FCER2: variants seen among roughly 807,000 people sequenced by gnomAD.
FCER2 encodes low affinity immunoglobulin epsilon Fc receptor.
Under a neutral mutation model 49.7 loss-of-function variants are expected in FCER2, and 38 were observed. That is an observed-to-expected ratio of 0.76 (90% CI 0.59 to 1.00). The LOEUF (loss-of-function observed/expected upper bound fraction) is 1.00, where lower values mean the gene tolerates loss of function less well. Ranked by LOEUF, FCER2 falls within the 50% of genes least tolerant of loss-of-function variation. The pLI is 0.00. For missense variants in FCER2, 425 were observed against 419.5 expected, an observed-to-expected ratio of 1.01 and a Z score of -0.11; for synonymous variants, 163 against 164.6, an observed-to-expected ratio of 0.99 and a Z score of 0.07.
At chr19:7,698,277 T>G in intron 4 of FCER2, 79 bp downstream of exon 4, 1 of 1,038,922 alleles carries the variant, frequency 9.6e-7, no homozygotes, top group Non-Finnish European at 1.4e-6. Context: ...GAGGGGACAC[T>G]GAGGCCCAGA....
Position 7,689,422 on chromosome 19 carries a change from G to A in FCER2, c.737C>T (p.Ala246Val), listed in dbSNP as rs555446476. The change falls in exon 11 of 11, where the codon GCT becomes GTT. Residue 246 changes from alanine (A) to valine (V), a missense_variant. Coordinates refer to ENST00000597921, the MANE Select transcript of FCER2 (RefSeq NM_001220500.2). ...DGSHVDYSNWAPGEPTSRSQG... is the reference protein window; with the variant it reads ...DGSHVDYSNWVPGEPTSRSQG... ...GCTCCGGCTGGTGGGCTCCCCTGGA[G>A]CCCAGTTGCTGGAGCAAAAGGCTTT... is the stretch of plus-strand genomic sequence containing the variant. 1 of 1,584,858 alleles carries A rather than the reference G, an allele frequency of 6.3e-7. No individual in the cohort carries two copies. Among genetic ancestry groups the A allele is most frequent in the Non-Finnish European group, 8.6e-7 (1 of 1,164,648 alleles).
Position 7,698,839 on chromosome 19 carries a change from G to C in FCER2, c.38C>G (p.Pro13Arg). Residue 13 changes from proline (P) to arginine (R), a missense_variant, in exon 3 of 11, where the codon CCC becomes CGC. Physicochemically the swap from Pro to Arg is moderately radical, Grantham distance 103. Coordinates refer to ENST00000597921, the MANE Select transcript of FCER2 (RefSeq NM_001220500.2). ...CCCACGCCTGCAACACCGCCTCCTG[G>C]GAAGCTCCTCGATCTCTGCCGGGGG... ...EGQYSEIEEL[P>R]RRRCCRRGTQ... 6.2e-7 allele frequency: 1 copy of C among 1,603,942 alleles called. No individual in the cohort carries two copies. Among genetic ancestry groups the C allele is most frequent in the Non-Finnish European group, 8.5e-7 (1 of 1,176,502 alleles).
chr19:7,699,487 T>TTG, intron 2 of FCER2: 1 of 1,324,984 alleles, frequency 7.5e-7, no homozygotes, highest in Non-Finnish European at 9.7e-7. Context: ...GTTTTTTTTT[T>TTG]TTTTTCTTTT....
rs1175439588 is a variant in FCER2 at position 7,689,121 on chromosome 19, A to G, written c.*72T>C. The G allele has an allele frequency of 1.9e-6, 2 of 1,061,776 alleles. No homozygotes were observed. The highest frequency in any genetic ancestry group is 2.8e-6 in the Non-Finnish European group (2 of 704,824). The allele number at this position is 1,061,776 out of a possible 1,614,324, so 65.8% of individuals were successfully genotyped here. A position where few individuals can be genotyped will look rare whatever the true frequency, so the allele number is the denominator to read the frequency against. ...GCAGAAAATGTCACAGGGACCTTTC[A>G]GCCACAAAGAGGCTTTTAGGCCGTG... On this transcript the variant is annotated 3_prime_UTR_variant, in exon 11 of 11. Transcript: ENST00000597921.
At chr19:7,698,997 A>C in intron 2 of FCER2, 143 bp from the exon 3 acceptor site, 2 of 797,836 alleles carry the variant, frequency 2.5e-6, no homozygotes, top group Non-Finnish European at 4.0e-6. Context: ...GTGGACCCCC[A>C]GCTCCATTTG....
Position 7,699,004 on chromosome 19 carries a change from T to C in FCER2, c.23-150A>G. 4 of 766,026 alleles carry C rather than the reference T, an allele frequency of 5.2e-6. No individual in the cohort carries two copies. In the South Asian group the frequency reaches 6.7e-5, roughly 13 times the overall value. 47.5% of individuals were successfully genotyped at this position (766,026 alleles called of 1,614,324 possible). ...GGGTCTCAGTGGACCCCCAGCTCCATTTGCACAGCTTCCTTACCTGACTCA... is the reference window on the plus strand; with the variant it reads ...GGGTCTCAGTGGACCCCCAGCTCCACTTGCACAGCTTCCTTACCTGACTCA... On this transcript the variant is annotated intron_variant, in intron 2 of 10. Transcript: ENST00000597921.
At chr19:7,698,657 C>G (rs187888088) in intron 3 of FCER2, 84 bp downstream of exon 3, 7 of 1,545,076 alleles carry the variant, frequency 4.5e-6, no homozygotes, top group Non-Finnish European at 6.1e-6. Context: ...TTGGGCTCCC[C>G]CAGCTCTGAG....
In FCER2 at chr19:7,690,245, G is replaced by A; in HGVS notation, c.642C>T (p.Ala214=). ...PEEQDFLTKH[A]SHTGSWIGLR... is the part of the protein sequence containing the mutation. ...GGCCAATCCAGGAGCCGGTGTGGCT[G>A]GCATGCTTGGTCAGGAAGTCCTGGG... Residue 214 remains alanine (A), a synonymous_variant, in exon 10 of 11, where the codon GCC becomes GCT. Transcript: ENST00000597921. 1 of 1,613,926 alleles carries A rather than the reference G, an allele frequency of 6.2e-7. No homozygotes were observed. The highest frequency in any genetic ancestry group is 8.5e-7 in the Non-Finnish European group (1 of 1,179,834).
intron 5 of FCER2, 52 bp from the exon 6 acceptor site, chr19:7,697,350 C>T: frequency 6.3e-7 from 1 of 1,576,890 alleles, no homozygotes; most frequent in Non-Finnish European, 8.7e-7. Flanking sequence ...TTGTCTCCCC[C>T]ATCTACCCCC....
rs201003669 is a variant in FCER2 at position 7,689,235 on chromosome 19, A to C, written c.924T>G (p.Pro308=). Residue 308 remains proline, a synonymous_variant, in exon 11 of 11, where the codon CCT becomes CCG. Transcript: ENST00000597921. ...CAGAGGGGGTGGGCAGGCGGCCGTC[A>C]GGGTCTGGTCTTGAATCAGGTCCCA... ...ESMGPDSRPD[P]DGRLPTPSAP... 6 of 1,613,330 alleles carry C rather than the reference A, an allele frequency of 3.7e-6. No homozygotes were observed. The African/African-American group carries it at 8.0e-5, about 22-fold the overall frequency.
chr19:7,700,704 G>C (rs62111767), intron 1 of FCER2, among the ~76,000 whole-genome samples: 4 of 151,872 alleles, frequency 2.6e-5, no homozygotes, highest in Admixed American at 1.3e-4. Context: ...TAGTAGAGAC[G>C]GGTTTTCACT....
intron 10 of FCER2, among the ~76,000 whole-genome samples, chr19:7,689,897 C>A (rs113487744): frequency 1.1e-4 from 17 of 151,910 alleles, no homozygotes; most frequent in Non-Finnish European, 2.4e-4. Context: ...ATGACAGGCA[C>A]GAGCCACCCT....
At chr19:7,695,824 G>T (rs569605797) in intron 8 of FCER2, among the ~76,000 whole-genome samples, 1 of 152,056 alleles carries the variant, frequency 6.6e-6, no homozygotes, top group Non-Finnish European at 1.5e-5. Context: ...AGCTGAGGTG[G>T]GAGGATCTCT....
In FCER2 at chr19:7,693,522, G is replaced by C. The variant is rs1426666527; in HGVS notation, c.470-2965C>G. Among the ~76,000 whole-genome samples, 5 of 152,070 alleles carry C rather than the reference G, an allele frequency of 3.3e-5. No individual in the cohort carries two copies. In the East Asian group the frequency reaches 9.7e-4, roughly 29 times the overall value. On this transcript the variant is annotated intron_variant, in intron 8 of 10. Transcript: ENST00000597921. ...AGCTACTTGGGAGGCTGAGGCAGGA[G>C]GATCGCTTGAGCCCAGGAGTTTGAG...
In FCER2 at chr19:7,689,141, G is replaced by T; in HGVS notation, c.*52C>A. 7.8e-7 allele frequency: 1 copy of T among 1,287,958 alleles called. No homozygotes were observed. Among genetic ancestry groups the T allele is most frequent in the Non-Finnish European group, 1.1e-6 (1 of 896,722 alleles). The allele number at this position is 1,287,958 out of a possible 1,614,324, so 79.8% of individuals were successfully genotyped here. The stretch of plus-strand genomic sequence containing the variant: ...CTTTCAGCCACAAAGAGGCTTTTAG[G>T]CCGTGGTTGGGGGTCTTCAGGGTCT... On this transcript the variant is annotated 3_prime_UTR_variant, in exon 11 of 11. Coordinates refer to ENST00000597921, the MANE Select transcript of FCER2 (RefSeq NM_001220500.2).
intron 7 of FCER2, 33 bp from the exon 8 acceptor site, chr19:7,696,947 A>T: frequency 5.1e-6 from 8 of 1,562,896 alleles, no homozygotes; most frequent in Non-Finnish European, 6.9e-6. Context: ...GTGCTCAGAG[A>T]CCAACTGGCA....
At chr19:7,691,949 C>T (rs2032883040) in intron 8 of FCER2, among the ~76,000 whole-genome samples, 1 of 137,610 alleles carries the variant, frequency 7.3e-6, no homozygotes, top group Non-Finnish European at 1.5e-5. Flanking sequence ...AACACATCAA[C>T]TACCAACACC....
chr19:7,696,749 T>C, intron 8 of FCER2, 76 bp downstream of exon 8: 1 of 1,044,928 alleles, frequency 9.6e-7, no homozygotes, highest in Non-Finnish European at 1.4e-6. Flanking sequence ...CACACGTGCG[T>C]GCCGTCACAT....
In FCER2 at chr19:7,697,573, C is replaced by G; in HGVS notation, c.207G>C (p.Lys69Asn). ...RAARNVSQVS[K>N]NLESHHGDQM... ...GGTCACCGTGGTGGCTTTCCAAGTT[C>G]TTGGAAACTTGAGAGACTGGAGCGG... is the stretch of plus-strand genomic sequence containing the variant. Residue 69 changes from lysine (K) to asparagine (N), a missense_variant, in exon 5 of 11, where the codon AAG becomes AAC. Transcript: ENST00000597921. The G allele has an allele frequency of 6.2e-7, 1 of 1,614,090 alleles. No individual in the cohort carries two copies. The highest frequency in any genetic ancestry group is 1.3e-5 in the African/African-American group (1 of 75,026).
Sources: gnomAD v4.1 joint callset for allele counts (sites outside exome capture counted in the v4.1 genomes callset) on GRCh38, gnomAD v4.1.1 for gene constraint, MANE v1.5 for transcripts, NCBI Gene and HGNC (gene_info 2026-07-23, HGNC 2026-07-21) for gene names.